PAK3: variants seen among roughly 807,000 people sequenced by gnomAD.
PAK3 encodes serine/threonine-protein kinase PAK 3.
A neutral mutation model predicts 41.0 loss-of-function variants in PAK3; 4 were observed. The ratio of observed to expected loss-of-function variants is 0.10; its 90% CI spans 0.05 to 0.22. PAK3 has a LOEUF of 0.22. PAK3 is among the 10% of genes least tolerant of loss of function. PAK3 has a pLI of 1.00. For missense variants in PAK3, 205 were observed against 409.9 expected, an observed-to-expected ratio of 0.50 and a Z score of 4.32; for synonymous variants, 146 against 139.6, an observed-to-expected ratio of 1.05 and a Z score of -0.32.
At chrX:111,053,848 A>G (rs2092581567) in intron 1 of PAK3, among the ~76,000 whole-genome samples, 1 of 111,975 alleles carries the variant, frequency 8.9e-6, no homozygotes, top group East Asian at 2.8e-4. Context: ...TAATACCAAT[A>G]AACAGCCTTT....
chrX:111,190,567 C>T (rs1363474152), intron 11 of PAK3, among the ~76,000 whole-genome samples: 2 of 111,548 alleles, frequency 1.8e-5, no homozygotes, highest in Non-Finnish European at 3.8e-5. Flanking sequence ...AGTCACATAG[C>T]TTGATGATGT....
intron 1 of PAK3, among the ~76,000 whole-genome samples, chrX:111,014,465 C>T (rs1437566057): frequency 1.8e-5 from 2 of 111,266 alleles, no homozygotes; most frequent in East Asian, 5.7e-4. Context: ...AGCTCTGGGC[C>T]CCTTGCTCCT....
At chrX:111,117,757 C>G (rs2093491535) in intron 4 of PAK3, among the ~76,000 whole-genome samples, 1 of 112,007 alleles carries the variant, frequency 8.9e-6, no homozygotes, top group South Asian at 3.8e-4. Flanking sequence ...CTGTTGGTAA[C>G]AAGAGACTGT....
chrX:110,970,655 TA>T (rs1304626298), intron 1 of PAK3, among the ~76,000 whole-genome samples: 1 of 111,329 alleles, frequency 9.0e-6, no homozygotes, highest in African/African-American at 3.3e-5. Context: ...ATGTGGGGCT[TA>T]AAACCTAGAT....
rs2149408825 is a variant in PAK3, at chrX:111,221,285, T to A, written c.*838T>A. 9.1e-6 allele frequency: 1 copy of A among 109,854 alleles called. No individual in the cohort carries two copies. Among genetic ancestry groups the A allele is most frequent in the African/African-American group, 3.5e-5 (1 of 28,893 alleles). The allele number at this position is 109,854 out of a possible 1,213,427, so 9.1% of individuals were successfully genotyped here. ...ATAATTGAGTAAACCAGGTTGTTAATCTCCTTAATACCTGAAAGAGGACAC... is the reference window on the plus strand; with the variant it reads ...ATAATTGAGTAAACCAGGTTGTTAAACTCCTTAATACCTGAAAGAGGACAC... On this transcript the variant is annotated 3_prime_UTR_variant, in exon 18 of 18. Coordinates refer to ENST00000372007, the MANE Select transcript of PAK3 (RefSeq NM_002578.5).
chrX:110,976,653 T>C (rs1449089960), intron 1 of PAK3, among the ~76,000 whole-genome samples: 1 of 111,981 alleles, frequency 8.9e-6, no homozygotes, highest in Non-Finnish European at 1.9e-5. Context: ...TAAAGACACA[T>C]GCATATGTAT....
chrX:111,056,149 A>G (rs780915873), intron 1 of PAK3, among the ~76,000 whole-genome samples: 1 of 111,797 alleles, frequency 8.9e-6, no homozygotes, highest in South Asian at 3.8e-4. Flanking sequence ...GACTGGGCCT[A>G]CTGTATGAGA....
chrX:110,964,988 T>C (rs1015879360), intron 1 of PAK3, among the ~76,000 whole-genome samples: 1 of 111,898 alleles, frequency 8.9e-6, no homozygotes, highest in African/African-American at 3.3e-5. Context: ...GGGCCATTCA[T>C]AGCAGCTTGC....
chrX:111,152,125 C>T (rs2094037462), intron 7 of PAK3, among the ~76,000 whole-genome samples: 1 of 111,930 alleles, frequency 8.9e-6, no homozygotes, highest in South Asian at 3.7e-4. Flanking sequence ...AGAATCATAC[C>T]TGTTAAGAGT....
At chrX:111,058,961 G>A (rs2092629894) in intron 1 of PAK3, among the ~76,000 whole-genome samples, 1 of 110,624 alleles carries the variant, frequency 9.0e-6, no homozygotes, top group African/African-American at 3.3e-5. Context: ...CTGTTCCATT[G>A]ACTGACATAG....
chrX:111,207,770 TTTGTTTCTTAG>T (rs2094770343), intron 16 of PAK3, among the ~76,000 whole-genome samples: 1 of 111,801 alleles, frequency 8.9e-6, no homozygotes, highest in South Asian at 3.8e-4. Flanking sequence ...AATGTGTTTG[TTTGTTTCTTAG>T]TTTTTGGGGA....
chrX:111,026,158 A>C (rs915937475), intron 1 of PAK3, among the ~76,000 whole-genome samples: 1 of 112,017 alleles, frequency 8.9e-6, no homozygotes, highest in African/African-American at 3.2e-5. Flanking sequence ...ACATACCTTA[A>C]GGTAATAAAA....
chrX:111,001,697 G>A lies in PAK3; in HGVS notation c.-28+57069G>A, dbSNP rs559853501. Among the ~76,000 whole-genome samples, 7 of 112,243 alleles carry A rather than the reference G, an allele frequency of 6.2e-5. No homozygotes were observed. The South Asian group carries it at 2.2e-3, about 36-fold the overall frequency. On this transcript the variant is annotated intron_variant, in intron 1 of 14. Coordinates refer to the PAK3 transcript ENST00000425146. ...ATGCACTAAACAGTATGCAGTCAAT[G>A]ATGTTGCTTGGCAAGCAGCCCCCTG...
chrX:111,161,451 G>A (rs1167973617), intron 8 of PAK3, among the ~76,000 whole-genome samples: 4 of 110,885 alleles, frequency 3.6e-5, no homozygotes, highest in African/African-American at 1.3e-4. Context: ...CTTTTGCTGT[G>A]CAGAAGCTCT....
At chrX:111,130,575 G>A (rs1459142582) in intron 5 of PAK3, among the ~76,000 whole-genome samples, 1 of 111,674 alleles carries the variant, frequency 9.0e-6, no homozygotes, top group Non-Finnish European at 1.9e-5. Flanking sequence ...ATGAAGGCAG[G>A]AGAATGGACC....
At chrX:111,021,156 G>T (rs1310532273) in intron 1 of PAK3, among the ~76,000 whole-genome samples, 1 of 111,915 alleles carries the variant, frequency 8.9e-6, no homozygotes, top group Non-Finnish European at 1.9e-5. Context: ...TTAATCAGGT[G>T]TCTTTGCATC....
At chrX:111,208,934 C>CGTGTGT (rs202080809) in intron 16 of PAK3, among the ~76,000 whole-genome samples, 4,741 of 104,352 alleles carry the variant, frequency 0.045, 296 homozygotes, top group African/African-American at 0.16. Context: ...CGAGGAATGA[C>CGTGTGT]GTGTGTGTGT....
chrX:110,965,227 A>G (rs1378575347), intron 1 of PAK3, among the ~76,000 whole-genome samples: 3 of 112,033 alleles, frequency 2.7e-5, no homozygotes, highest in Non-Finnish European at 5.6e-5. Flanking sequence ...TTGCATTGCA[A>G]ATGGGACGGA....
intron 1 of PAK3, among the ~76,000 whole-genome samples, chrX:110,966,657 T>C (rs2091087860): frequency 9.0e-6 from 1 of 111,158 alleles, no homozygotes; most frequent in Admixed American, 9.5e-5. Context: ...TATACAATTA[T>C]GTGAGAAAAG....
Sources: allele counts gnomAD v4.1 joint callset (sites outside exome capture counted in the v4.1 genomes callset), GRCh38; gene constraint gnomAD v4.1.1; transcripts MANE v1.5; gene names NCBI Gene and HGNC (gene_info 2026-07-23, HGNC 2026-07-21).